Variants in KLF12 observed in about 807,000 individuals in gnomAD.
The protein encoded by KLF12 is Krueppel-like factor 12.
A neutral mutation model predicts 37.8 loss-of-function variants in KLF12; 9 were observed. That is an observed-to-expected ratio of 0.24 (90% confidence interval 0.14 to 0.42). The LOEUF (loss-of-function observed/expected upper bound fraction) is 0.42, where lower values mean the gene tolerates loss of function less well. Ranked by LOEUF, KLF12 falls within the 10% of genes least tolerant of loss-of-function variation. The pLI, the probability that KLF12 is intolerant of heterozygous loss-of-function variation, is 1.00. For missense variants in KLF12, 411 were observed against 516.0 expected, an observed-to-expected ratio of 0.80 and a Z score of 1.97; for synonymous variants, 208 against 202.1, an observed-to-expected ratio of 1.03 and a Z score of -0.25.
At position 73,695,413 on chromosome 13, in the gene KLF12, G is replaced by A; in HGVS notation, c.*77C>T. The A allele has an allele frequency of 7.1e-7, 1 of 1,400,226 alleles. No homozygotes were observed. Among genetic ancestry groups the A allele is most frequent in the Non-Finnish European group, 1.0e-6 (1 of 1,000,064 alleles). 86.7% of individuals were successfully genotyped at this position (1,400,226 alleles called of 1,614,324 possible). A position where few individuals can be genotyped will look rare whatever the true frequency, so the allele number is the denominator to read the frequency against. On this transcript the variant is annotated 3_prime_UTR_variant, in exon 8 of 8. Coordinates refer to ENST00000377669, the MANE Select transcript of KLF12 (RefSeq NM_007249.5). The stretch of plus-strand genomic sequence containing the variant: ...TGATGCCCTTTTGTGTTAACACTGT[G>A]AAGGGGATTCAGCCCTGCTGAATTG...
chr13:73,872,092 G>A lies in KLF12; in HGVS notation c.124-25719C>T, dbSNP rs542822530. 3.3e-5 allele frequency among the ~76,000 whole-genome samples: 5 copies of A among 152,212 alleles called. No individual in the cohort carries two copies. The East Asian group carries it at 9.7e-4, about 29-fold the overall frequency. ...GCTATTTCCTGGAGGATGGAAGACG[G>A]CCACGTGCTTGGGTCCTGTGCCTCA... On this transcript the variant is annotated intron_variant, in intron 3 of 7. Transcript: ENST00000377669.
At chr13:73,992,185 G>A (rs1181763426) in intron 2 of KLF12, among the ~76,000 whole-genome samples, 1 of 152,168 alleles carries the variant, frequency 6.6e-6, no homozygotes, top group African/African-American at 2.4e-5. Flanking sequence ...ATGGCTGGGG[G>A]AAAGAAAAAT....
intron 1 of KLF12, among the ~76,000 whole-genome samples, chr13:74,099,150 C>T (rs1414760467): frequency 3.3e-5 from 5 of 152,048 alleles, no homozygotes. Context: ...TAGTTCAAGA[C>T]CAGTCTGGGC....
At chr13:73,865,873 CAGA>C (rs1354108040) in intron 3 of KLF12, among the ~76,000 whole-genome samples, 1 of 152,148 alleles carries the variant, frequency 6.6e-6, no homozygotes, top group Non-Finnish European at 1.5e-5. Context: ...TGTTTGACAG[CAGA>C]AGGACATAGA....
At chr13:73,737,221 A>C (rs1877524228) in intron 6 of KLF12, among the ~76,000 whole-genome samples, 2 of 152,194 alleles carry the variant, frequency 1.3e-5, no homozygotes, top group African/African-American at 4.8e-5. Flanking sequence ...GAATTCTATT[A>C]ATTTTATATT....
chr13:74,190,361 G>T, the KLF12 span, among the ~76,000 whole-genome samples: 1 of 152,128 alleles, frequency 6.6e-6, no homozygotes, highest in African/African-American at 2.4e-5. Context: ...ATTTATTGAA[G>T]AAAATACTGC....
At chr13:74,287,598 A>AT in the KLF12 span, among the ~76,000 whole-genome samples, 7 of 152,276 alleles carry the variant, frequency 4.6e-5, no homozygotes, top group South Asian at 1.4e-3. Flanking sequence ...AGTATGTTAG[A>AT]TTTTCAGGGA....
intron 2 of KLF12, among the ~76,000 whole-genome samples, chr13:73,981,042 C>T (rs1400558941): frequency 2.6e-5 from 4 of 152,128 alleles, no homozygotes; most frequent in African/African-American, 9.7e-5. Context: ...TGCCTGAAGT[C>T]CCAGCTACTT....
rs141465130 is a variant in KLF12 at position 73,888,801 on chromosome 13, C to A, written c.124-42428G>T. 2.1e-3 allele frequency among the ~76,000 whole-genome samples: 313 copies of A among 152,256 alleles called. 1 individual carries two copies. The highest frequency in any genetic ancestry group is 6.5e-3 in the African/African-American group (269 of 41,542). ...AGCTGTGAATACTCAAAACTTGATTCTTTGCTCTATCTGCCGTGCTTCATG... is the reference window on the plus strand; with the variant it reads ...AGCTGTGAATACTCAAAACTTGATTATTTGCTCTATCTGCCGTGCTTCATG... On this transcript the variant is annotated intron_variant, in intron 3 of 7. Transcript: ENST00000377669.
chr13:74,079,210 C>CAGT (rs1555270146), intron 1 of KLF12, among the ~76,000 whole-genome samples: 3 of 151,618 alleles, frequency 2.0e-5, no homozygotes, highest in Non-Finnish European at 2.9e-5. Context: ...CAAAATAGAA[C>CAGT]GGGTACCAGG....
At chr13:74,053,021 C>T (rs922871426) in intron 1 of KLF12, among the ~76,000 whole-genome samples, 1 of 152,154 alleles carries the variant, frequency 6.6e-6, no homozygotes, top group Non-Finnish European at 1.5e-5. Flanking sequence ...GTACTTATTC[C>T]GCACCAGGAG....
chr13:73,752,425 C>T (rs1878827368), intron 6 of KLF12, among the ~76,000 whole-genome samples: 1 of 85,418 alleles, frequency 1.2e-5, no homozygotes. Flanking sequence ...ACACCACACA[C>T]ATGCACCCTG....
At chr13:74,301,936 T>C in the KLF12 span, among the ~76,000 whole-genome samples, 1 of 152,138 alleles carries the variant, frequency 6.6e-6, no homozygotes, top group African/African-American at 2.4e-5. Flanking sequence ...CTCCATGCCT[T>C]GAAGGGTTTA....
At chr13:73,893,461 A>C (rs1887612414) in intron 3 of KLF12, among the ~76,000 whole-genome samples, 1 of 147,918 alleles carries the variant, frequency 6.8e-6, no homozygotes. Context: ...CACTTACCAC[A>C]ACCTCCGCCT....
intron 3 of KLF12, among the ~76,000 whole-genome samples, chr13:73,888,344 G>A (rs1338277471): frequency 6.6e-6 from 1 of 152,088 alleles, no homozygotes; most frequent in African/African-American, 2.4e-5. Flanking sequence ...ACTTCAGACT[G>A]AAATAACTTT....
At chr13:73,852,972 C>A (rs974247995) in intron 3 of KLF12, among the ~76,000 whole-genome samples, 1 of 150,442 alleles carries the variant, frequency 6.6e-6, no homozygotes, top group Non-Finnish European at 1.5e-5. Flanking sequence ...CGGGTTCATG[C>A]CATTCTCCTG....
Position 73,745,297 on chromosome 13 carries a change from T to C in KLF12, c.869+19641A>G, listed in dbSNP as rs553623967. On this transcript the variant is annotated intron_variant, in intron 6 of 7. Transcript: ENST00000377669. The stretch of plus-strand genomic sequence containing the variant: ...AAGAGGGGACGCTACTCTTATCCAA[T>C]TGCAACTAAAATCATGACGTTGTGA... Among the ~76,000 whole-genome samples, 7 of 152,264 alleles carry C rather than the reference T, an allele frequency of 4.6e-5. No homozygotes were observed. The South Asian group carries it at 1.5e-3, about 32-fold the overall frequency.
intron 3 of KLF12, among the ~76,000 whole-genome samples, chr13:73,928,525 G>C (rs1456278047): frequency 6.6e-6 from 1 of 152,190 alleles, no homozygotes; most frequent in Non-Finnish European, 1.5e-5. Context: ...CACTGAATAA[G>C]TCAGAGGAAG....
intron 2 of KLF12, among the ~76,000 whole-genome samples, chr13:73,992,754 C>T (rs1055888043): frequency 7.2e-5 from 11 of 152,182 alleles, no homozygotes; most frequent in African/African-American, 2.7e-4. Flanking sequence ...TTAATATTGA[C>T]TTTGTCAATG....
Sources: allele counts gnomAD v4.1 joint callset (sites outside exome capture counted in the v4.1 genomes callset), GRCh38; gene constraint gnomAD v4.1.1; transcripts MANE v1.5; gene names NCBI Gene and HGNC (gene_info 2026-07-23, HGNC 2026-07-21).